PIGH: variants seen among roughly 807,000 people sequenced by gnomAD.
PIGH encodes the protein phosphatidylinositol N-acetylglucosaminyltransferase subunit H.
In PIGH, 11 loss-of-function variants were observed where a neutral mutation model predicts 20.1. The observed-to-expected ratio is 0.55, with a 90% confidence interval of 0.34 to 0.91. PIGH has a LOEUF of 0.91. Ranked by LOEUF, PIGH falls within the 40% of genes least tolerant of loss-of-function variation. The probability of loss-of-function intolerance (pLI) is 0.02; values close to 1 mark genes in which losing one functional copy is unlikely to be tolerated. For missense variants in PIGH, 189 were observed against 233.6 expected (o/e 0.81, Z 1.24); for synonymous variants, 72 against 93.1 (o/e 0.77, Z 1.31).
At chr14:67,596,578 T>C (rs942457975) in intron 1 of PIGH, among the ~76,000 whole-genome samples, 7 of 152,200 alleles carry the variant, frequency 4.6e-5, no homozygotes, top group Non-Finnish European at 7.3e-5. Context: ...TGCCCTCCTT[T>C]ATCTACTTCT....
chr14:67,596,332 G>A (rs1311737702), intron 1 of PIGH, among the ~76,000 whole-genome samples: 1 of 112,858 alleles, frequency 8.9e-6, no homozygotes, highest in Non-Finnish European at 1.8e-5. Flanking sequence ...GTAGAGATGG[G>A]GTTTCACTAT....
At chr14:67,596,247 G>A (rs1383883056) in intron 1 of PIGH, among the ~76,000 whole-genome samples, 1 of 145,618 alleles carries the variant, frequency 6.9e-6, no homozygotes, top group Non-Finnish European at 1.5e-5. Flanking sequence ...TCCTGCCTCA[G>A]CCTCCCTAGT....
At chr14:67,599,014 C>CA (rs1327030681) in intron 1 of PIGH, among the ~76,000 whole-genome samples, 1 of 152,164 alleles carries the variant, frequency 6.6e-6, no homozygotes, top group Non-Finnish European at 1.5e-5. Flanking sequence ...TTTGCCTGAA[C>CA]AAACATACGG....
At position 67,592,701 on chromosome 14, in the gene PIGH, G is replaced by A; in HGVS notation, c.408C>T (p.Tyr136=). Residue 136 remains tyrosine, a synonymous_variant, in exon 3 of 4, where the codon TAC becomes TAT. Transcript: ENST00000216452. ...EAIYMQKVIY[Y]LCILLKDPVE... Reference sequence around the variant, plus strand: ...CTGGATCTTTCAATAAGATGCAGAGGTAGTAAATCACCTTCTGCTGTAAGA... The same window carrying A: ...CTGGATCTTTCAATAAGATGCAGAGATAGTAAATCACCTTCTGCTGTAAGA... 1.9e-6 allele frequency: 3 copies of A among 1,601,278 alleles called. No individual in the cohort carries two copies. The highest frequency in any genetic ancestry group is 2.6e-6 in the Non-Finnish European group (3 of 1,170,206).
rs2036304366 is a variant in PIGH at position 67,589,568 on chromosome 14, A to G, written c.*512T>C. On this transcript the variant is annotated 3_prime_UTR_variant, in exon 4 of 4. Coordinates refer to ENST00000216452, the MANE Select transcript of PIGH (RefSeq NM_004569.5). ...TGTTTTGGAAGATCTGTTTATTAAC[A>G]GTAAATAAATAAGCCCTGTACAGAA... 1.0e-6 allele frequency: 1 copy of G among 985,432 alleles called. No homozygotes were observed. Among genetic ancestry groups the G allele is most frequent in the African/African-American group, 1.7e-5 (1 of 57,370 alleles). 61.0% of individuals were successfully genotyped at this position (985,432 alleles called of 1,614,324 possible). A position where few individuals can be genotyped will look rare whatever the true frequency, so the allele number is the denominator to read the frequency against.
At chr14:67,595,270 A>C (rs1301443940) in intron 1 of PIGH, among the ~76,000 whole-genome samples, 3 of 152,260 alleles carry the variant, frequency 2.0e-5, no homozygotes, top group Non-Finnish European at 4.4e-5. Context: ...CTATACTTAA[A>C]GTGAAAAACA....
At chr14:67,595,569 T>C (rs533487408) in intron 1 of PIGH, among the ~76,000 whole-genome samples, 3 of 152,282 alleles carry the variant, frequency 2.0e-5, no homozygotes, top group South Asian at 4.1e-4. Context: ...GCTTTAAAAA[T>C]TGGCATGTGA....
intron 1 of PIGH, 106 bp from the exon 2 acceptor site, chr14:67,594,058 G>A: frequency 2.8e-6 from 2 of 705,900 alleles, no homozygotes; most frequent in South Asian, 1.7e-5. Context: ...CTTTTATTTG[G>A]GTTCTAAGGT....
intron 1 of PIGH, among the ~76,000 whole-genome samples, chr14:67,596,295 A>ATTTAT (rs2036472860): frequency 3.3e-5 from 2 of 60,230 alleles, no homozygotes; most frequent in African/African-American, 1.4e-4. Flanking sequence ...CGCCCAGCTA[A>ATTTAT]TTTTTTTTTT....
At chr14:67,594,063 T>C (rs1266533955) in intron 1 of PIGH, 111 bp from the exon 2 acceptor site, 2 of 690,396 alleles carry the variant, frequency 2.9e-6, no homozygotes, top group East Asian at 5.4e-5. Flanking sequence ...ATTTGGGTTC[T>C]AAGGTGCTAT....
chr14:67,598,679 A>C (rs1167710985), intron 1 of PIGH, among the ~76,000 whole-genome samples: 1 of 151,776 alleles, frequency 6.6e-6, no homozygotes, highest in East Asian at 1.9e-4. Context: ...TATCAAGTCA[A>C]CTTAATCATC....
In PIGH at chr14:67,589,730, C is replaced by T. The variant is rs1259428458; in HGVS notation, c.*350G>A. 1 of 1,011,148 alleles carries T rather than the reference C, an allele frequency of 9.9e-7. No individual in the cohort carries two copies. The highest frequency in any genetic ancestry group is 1.2e-6 in the Non-Finnish European group (1 of 846,898). The allele number at this position is 1,011,148 out of a possible 1,614,324, so 62.6% of individuals were successfully genotyped here. ...ATAGCTTTCTCAAGACATCTGATGT[C>T]AGTTTCCCATTGTTTTGCTTCACAA... On this transcript the variant is annotated 3_prime_UTR_variant, in exon 4 of 4. Coordinates refer to ENST00000216452, the MANE Select transcript of PIGH (RefSeq NM_004569.5).
At chr14:67,590,788 T>C (rs575287193) in intron 3 of PIGH, among the ~76,000 whole-genome samples, 1 of 152,326 alleles carries the variant, frequency 6.6e-6, no homozygotes, top group East Asian at 1.9e-4. Flanking sequence ...ACAGCACAGC[T>C]TGTGAACTAT....
chr14:67,594,997 C>T (rs1040783146), intron 1 of PIGH, among the ~76,000 whole-genome samples: 12 of 151,996 alleles, frequency 7.9e-5, no homozygotes, highest in Non-Finnish European at 1.5e-4. Context: ...GTTAGCCGGG[C>T]GTAGTGGCAG....
Position 67,592,722 on chromosome 14 carries a change from T to C in PIGH, c.391-4A>G. The stretch of plus-strand genomic sequence containing the variant: ...AGAGGTAGTAAATCACCTTCTGCTG[T>C]AAGAAAATAAATCAAATAGCAAAGT... On this transcript the variant is annotated splice_region_variant and splice_polypyrimidine_tract_variant and intron_variant, in intron 2 of 3. Coordinates refer to ENST00000216452, the MANE Select transcript of PIGH (RefSeq NM_004569.5). 6.4e-7 allele frequency: 1 copy of C among 1,561,980 alleles called. No individual in the cohort carries two copies.
rs1375180435 is a variant in PIGH, at chr14:67,589,606, GT to G, written c.*473del. The G allele has an allele frequency of 1.0e-6, 1 of 986,042 alleles. No individual in the cohort carries two copies. Among genetic ancestry groups the G allele is most frequent in the Non-Finnish European group, 1.2e-6 (1 of 830,342 alleles). 61.1% of individuals were successfully genotyped at this position (986,042 alleles called of 1,614,324 possible). A position where few individuals can be genotyped will look rare whatever the true frequency, so the allele number is the denominator to read the frequency against. ...GCCCTGTACAGAACACAGGCACTAG[GT>G]TGACAGACTCGTCTTTTGTAGGACA... is the stretch of plus-strand genomic sequence containing the variant. On this transcript the variant is annotated 3_prime_UTR_variant, in exon 4 of 4. Coordinates refer to ENST00000216452, the MANE Select transcript of PIGH (RefSeq NM_004569.5).
At position 67,589,905 on chromosome 14, in the gene PIGH, G is replaced by A. The variant is rs974248925; in HGVS notation, c.*175C>T. 4.9e-5 allele frequency: 62 copies of A among 1,269,286 alleles called. No homozygotes were observed. Among genetic ancestry groups the A allele is most frequent in the East Asian group, 2.4e-4 (8 of 33,496 alleles). 78.6% of individuals were successfully genotyped at this position (1,269,286 alleles called of 1,614,324 possible). A position where few individuals can be genotyped will look rare whatever the true frequency, so the allele number is the denominator to read the frequency against. On this transcript the variant is annotated 3_prime_UTR_variant, in exon 4 of 4. Coordinates refer to ENST00000216452, the MANE Select transcript of PIGH (RefSeq NM_004569.5). ...TTACAAGGAAAACACTATAATACAC[G>A]GAAATATACTGAGTTAGATTTCCAG...
intron 3 of PIGH, among the ~76,000 whole-genome samples, chr14:67,591,505 T>C (rs1374653346): frequency 6.6e-6 from 1 of 152,240 alleles, no homozygotes. Flanking sequence ...TACCTACCTC[T>C]AAATTTATTA....
At chr14:67,597,043 T>G (rs554060593) in intron 1 of PIGH, among the ~76,000 whole-genome samples, 17 of 152,240 alleles carry the variant, frequency 1.1e-4, no homozygotes, top group Non-Finnish European at 1.3e-4. Flanking sequence ...TGTAAACTAT[T>G]TGGGCCTGTG....
Sources: gnomAD v4.1 joint callset for allele counts (sites outside exome capture counted in the v4.1 genomes callset) on GRCh38, gnomAD v4.1.1 for gene constraint, MANE v1.5 for transcripts, NCBI Gene and HGNC (gene_info 2026-07-23, HGNC 2026-07-21) for gene names.